The following HERC6 variants were observed in gnomAD, a reference collection of about 807,000 sequenced individuals.
HERC6 encodes HECT and RLD domain containing E3 ubiquitin protein ligase family member 6.
In HERC6, 101 loss-of-function variants were observed where a neutral mutation model predicts 114.5. The ratio of observed to expected loss-of-function variants is 0.88; its 90% CI spans 0.75 to 1.04. HERC6 has a LOEUF of 1.04. Ranked by LOEUF, HERC6 falls within the 50% of genes least tolerant of loss-of-function variation. The probability of loss-of-function intolerance (pLI) is 0.00; values close to 1 mark genes in which losing one functional copy is unlikely to be tolerated. For missense variants in HERC6, 1,133 were observed against 1,230.9 expected (o/e 0.92, Z 1.19); for synonymous variants, 408 against 436.2 (o/e 0.94, Z 0.81).
At chr4:88,385,360 A>C (rs1734519463) in intron 2 of HERC6, 139 bp from the exon 3 acceptor site, 1 of 585,252 alleles carries the variant, frequency 1.7e-6, no homozygotes, top group African/African-American at 2.0e-5. Flanking sequence ...TTTGAAATAA[A>C]GGTACTATAG....
intron 15 of HERC6, among the ~76,000 whole-genome samples, chr4:88,428,007 A>G (rs1737799163): frequency 6.6e-6 from 1 of 152,250 alleles, no homozygotes; most frequent in African/African-American, 2.4e-5. Flanking sequence ...AAGAAGTACT[A>G]TTTAGTGTGA....
Position 88,439,382 on chromosome 4 carries a change from GA to G in HERC6, c.2556-490del, listed in dbSNP as rs1560579585. ...GAAAAAGAAAGGAAAGAGAAAGAAAGAAGAAAGAAAGAAAAGGGAAGGGAAA... is the reference window on the plus strand; with the variant it reads ...GAAAAAGAAAGGAAAGAGAAAGAAAGAGAAAGAAAGAAAAGGGAAGGGAAA... On this transcript the variant is annotated intron_variant, in intron 20 of 22. Transcript: ENST00000264346. 6.8e-3 allele frequency among the ~76,000 whole-genome samples: 999 copies of G among 147,026 alleles called. 9 individuals carry two copies. The highest frequency in any genetic ancestry group is 0.023 in the African/African-American group (927 of 39,520).
Position 88,419,375 on chromosome 4 carries a change from A to G in HERC6, c.1713+1796A>G, listed in dbSNP as rs149402085. On this transcript the variant is annotated intron_variant, in intron 13 of 22. Coordinates refer to ENST00000264346, the MANE Select transcript of HERC6 (RefSeq NM_017912.4). ...CATTCTGCTTTGGGTGGTAGTCCCA[A>G]TAAAGAGAAATCAGACTGGACTCTT... Among the ~76,000 whole-genome samples, 600 of 152,336 alleles carry G rather than the reference A, an allele frequency of 3.9e-3. 5 individuals are homozygous for G. Among genetic ancestry groups the G allele is most frequent in the African/African-American group, 0.014 (575 of 41,584 alleles).
intron 9 of HERC6, among the ~76,000 whole-genome samples, chr4:88,405,332 T>C (rs1735767153): frequency 6.6e-6 from 1 of 152,234 alleles, no homozygotes; most frequent in African/African-American, 2.4e-5. Flanking sequence ...ATAGGTTTTA[T>C]TTAAACCTAC....
At chr4:88,421,740 C>G (rs904197064) in intron 13 of HERC6, among the ~76,000 whole-genome samples, 2 of 152,122 alleles carry the variant, frequency 1.3e-5, no homozygotes, top group Admixed American at 1.3e-4. Flanking sequence ...GCCACCGCAC[C>G]CGACCACTTT....
intron 3 of HERC6, among the ~76,000 whole-genome samples, chr4:88,390,171 C>T (rs1433768741): frequency 1.1e-5 from 1 of 95,006 alleles, no homozygotes; most frequent in Non-Finnish European, 1.9e-5. Context: ...GAATGAAACT[C>T]TGTATCAAAA....
At chr4:88,428,505 T>C in intron 15 of HERC6, 75 bp from the exon 16 acceptor site, 1 of 1,102,008 alleles carries the variant, frequency 9.1e-7, no homozygotes, top group Non-Finnish European at 1.3e-6. Flanking sequence ...AAAATGTTTA[T>C]TGGAAGTATT....
At chr4:88,429,487 A>G (rs962139459) in intron 16 of HERC6, among the ~76,000 whole-genome samples, 3 of 152,214 alleles carry the variant, frequency 2.0e-5, no homozygotes, top group Non-Finnish European at 2.9e-5. Flanking sequence ...CTTCCACTAT[A>G]TGAGTTTCAA....
chr4:88,434,152 A>G (rs1738512977), intron 17 of HERC6, among the ~76,000 whole-genome samples: 1 of 152,232 alleles, frequency 6.6e-6, no homozygotes, highest in Non-Finnish European at 1.5e-5. Context: ...CTGACTTAAT[A>G]TGTAATAGTT....
At chr4:88,387,267 T>G (rs942540100) in intron 3 of HERC6, among the ~76,000 whole-genome samples, 2 of 152,258 alleles carry the variant, frequency 1.3e-5, no homozygotes, top group Admixed American at 1.3e-4. Context: ...CATGGTGGTA[T>G]GCACCTGTAG....
intron 2 of HERC6, among the ~76,000 whole-genome samples, chr4:88,384,488 A>C (rs1734477478): frequency 6.6e-6 from 1 of 152,204 alleles, no homozygotes; most frequent in South Asian, 2.1e-4. Context: ...TATGACAAGT[A>C]GTTGGCTCTG....
At chr4:88,387,055 G>T (rs1734622386) in intron 3 of HERC6, among the ~76,000 whole-genome samples, 1 of 152,204 alleles carries the variant, frequency 6.6e-6, no homozygotes, top group Admixed American at 6.5e-5. Context: ...TGTGCCAGCT[G>T]CCATGTTAAA....
At chr4:88,413,039 T>C (rs1736211577) in intron 11 of HERC6, 38 bp from the exon 12 acceptor site, 1 of 1,451,632 alleles carries the variant, frequency 6.9e-7, no homozygotes, top group South Asian at 1.2e-5. Flanking sequence ...GTATCTAATA[T>C]ATCCTGGGTC....
intron 15 of HERC6, among the ~76,000 whole-genome samples, chr4:88,428,276 T>G (rs1439673026): frequency 6.6e-6 from 1 of 152,236 alleles, no homozygotes; most frequent in Non-Finnish European, 1.5e-5. Context: ...GTATGGCCTT[T>G]AAGGATGATG....
At chr4:88,393,637 A>G (rs1735040711) in intron 5 of HERC6, 55 bp downstream of exon 5, 1 of 1,027,728 alleles carries the variant, frequency 9.7e-7, no homozygotes, top group Non-Finnish European at 1.5e-6. Context: ...GTAACAAGAT[A>G]CATATGTACT....
intron 12 of HERC6, among the ~76,000 whole-genome samples, chr4:88,415,491 G>T (rs1249382502): frequency 2.6e-5 from 4 of 152,128 alleles, no homozygotes. Context: ...ACTGTAGTCT[G>T]TATAAATTTC....
intron 22 of HERC6, among the ~76,000 whole-genome samples, chr4:88,441,852 CT>C (rs927993137): frequency 2.0e-5 from 3 of 152,176 alleles, no homozygotes; most frequent in African/African-American, 4.8e-5. Flanking sequence ...GCTTTGTCCC[CT>C]GCCTTGAAAG....
At position 88,435,852 on chromosome 4, in the gene HERC6, C is replaced by A; in HGVS notation, c.2378C>A (p.Ser793Ter). ...AAAAAACTTCTGGACCAAAAGCCAT[C>A]ATTGGAAGATTTAAAAGAACTCAGT... ...LYKKLLDQKP[S>*]LEDLKELSPR... Residue 793 changes from serine to a stop codon, truncating the protein, a stop_gained, in exon 18 of 23, where the codon TCA (serine) becomes TAA (stop). Transcript: ENST00000264346. LOFTEE classifies it high-confidence loss of function. 6.2e-7 allele frequency: 1 copy of A among 1,609,680 alleles called. No homozygotes were observed. The highest frequency in any genetic ancestry group is 8.5e-7 in the Non-Finnish European group (1 of 1,178,204).
chr4:88,386,308 C>T (rs557197592), intron 3 of HERC6, among the ~76,000 whole-genome samples: 1 of 150,944 alleles, frequency 6.6e-6, no homozygotes, highest in African/African-American at 2.4e-5. Flanking sequence ...TGGGTTCAGG[C>T]GATTCTCCTG....
Sources: gnomAD v4.1 joint callset for allele counts (sites outside exome capture counted in the v4.1 genomes callset) on GRCh38, gnomAD v4.1.1 for gene constraint, MANE v1.5 for transcripts, NCBI Gene and HGNC (gene_info 2026-07-23, HGNC 2026-07-21) for gene names.